SRP19: variants seen among roughly 807,000 people sequenced by gnomAD.
SRP19 encodes the protein signal recognition particle 19 kDa protein.
A neutral mutation model predicts 22.4 loss-of-function variants in SRP19; 11 were observed. The observed-to-expected ratio is 0.49, with a 90% CI of 0.31 to 0.81. The LOEUF (loss-of-function observed/expected upper bound fraction) is 0.81, where lower values mean the gene tolerates loss of function less well. Among genes scored for constraint, SRP19 ranks in the 40% least tolerant of loss-of-function variants. The pLI is 0.05. For synonymous variants in SRP19, 61 were observed against 57.6 expected (o/e 1.06, Z -0.27); for missense variants, 168 against 175.9 (o/e 0.96, Z 0.25).
At position 112,867,636 on chromosome 5, in the gene SRP19, T is replaced by C. The variant is rs1025003323; in HGVS notation, c.*99T>C. On this transcript the variant is annotated 3_prime_UTR_variant, in exon 5 of 5. Transcript: ENST00000505459. ...AAACAGAAGCTTTTTGTTTGCATCA[T>C]TTAACTGAACTGTGAACCCTTGTGC... The C allele has an allele frequency of 4.4e-5, 62 of 1,404,222 alleles. No homozygotes were observed. Among genetic ancestry groups the C allele is most frequent in the Non-Finnish European group, 5.7e-5 (61 of 1,074,948 alleles). 87.0% of individuals were successfully genotyped at this position (1,404,222 alleles called of 1,614,324 possible). A position where few individuals can be genotyped will look rare whatever the true frequency, so the allele number is the denominator to read the frequency against.
intron 4 of SRP19, chr5:112,887,121 C>G: frequency 6.2e-7 from 1 of 1,613,528 alleles, no homozygotes; most frequent in Non-Finnish European, 8.5e-7. Flanking sequence ...GGATGATGCG[C>G]TTGTAGAGCA....
At position 112,864,548 on chromosome 5, in the gene SRP19, T is replaced by A. The variant is rs1561638321; in HGVS notation, c.189+20T>A. On this transcript the variant is annotated intron_variant, in intron 3 of 4. Coordinates refer to ENST00000505459, the MANE Select transcript of SRP19 (RefSeq NM_003135.3). ...CTTGAGGTATGACGTGGTTCTTCAC[T>A]ATTTTCCATACTCATCTAATTGATG... 6.2e-7 allele frequency: 1 copy of A among 1,613,048 alleles called. No homozygotes were observed. The highest frequency in any genetic ancestry group is 2.2e-5 in the East Asian group (1 of 44,868).
chr5:112,892,159 C>A, exon 5 of SRP19: 5 of 1,614,096 alleles, frequency 3.1e-6, no homozygotes, highest in Non-Finnish European at 3.4e-6. Flanking sequence ...GGAGAAGGAT[C>A]GAGCTAATTG....
chr5:112,890,140 T>A (rs940671670), intron 4 of SRP19, among the ~76,000 whole-genome samples: 5 of 149,948 alleles, frequency 3.3e-5, no homozygotes, highest in African/African-American at 1.2e-4. Flanking sequence ...AAAAATAAAT[T>A]TAAAATTAGC....
intron 4 of SRP19, chr5:112,885,649 C>T: frequency 3.4e-6 from 1 of 297,436 alleles, no homozygotes; most frequent in South Asian, 4.4e-5. Context: ...CCTGGAGCAG[C>T]TCCCAGAGGT....
At chr5:112,874,810 C>T (rs150902165) in intron 4 of SRP19, among the ~76,000 whole-genome samples, 33 of 148,916 alleles carry the variant, frequency 2.2e-4, no homozygotes, top group Middle Eastern at 3.4e-3. Context: ...GAGTTTCGCT[C>T]GTCTCCCAGG....
Position 112,868,108 on chromosome 5 carries a change from G to C in SRP19, c.*571G>C. On this transcript the variant is annotated 3_prime_UTR_variant, in exon 5 of 5. Coordinates refer to ENST00000505459, the MANE Select transcript of SRP19 (RefSeq NM_003135.3). Reference sequence around the variant, plus strand: ...TATATTATTGTAATCGAATCGTTCAGTTGTTTTTTGACATGGAAAGTCCTG... The same window carrying C: ...TATATTATTGTAATCGAATCGTTCACTTGTTTTTTGACATGGAAAGTCCTG... 1.0e-6 allele frequency: 1 copy of C among 985,392 alleles called. No homozygotes were observed. The highest frequency in any genetic ancestry group is 1.2e-6 in the Non-Finnish European group (1 of 829,918). The allele number at this position is 985,392 out of a possible 1,614,324, so 61.0% of individuals were successfully genotyped here.
chr5:112,878,668 T>TTA, intron 4 of SRP19: 2 of 1,403,018 alleles, frequency 1.4e-6, no homozygotes, highest in Admixed American at 2.3e-5. Context: ...CAATCTTTAA[T>TTA]ATCTCAAAAA....
chr5:112,891,511 CAAACA>C, intron 4 of SRP19: 2 of 1,303,924 alleles, frequency 1.5e-6, no homozygotes, highest in African/African-American at 1.5e-5. Flanking sequence ...TATAAGTATG[CAAACA>C]AAACAATACT....
At chr5:112,896,527 CA>C (rs1313196535), downstream of SRP19, 3 of 151,266 alleles carry the variant, frequency 2.0e-5, no homozygotes, top group Non-Finnish European at 4.4e-5. Flanking sequence ...AACTCCATCT[CA>C]AAAAAAAGAA....
chr5:112,885,666 A>C (rs1031912379), intron 4 of SRP19: 1 of 308,350 alleles, frequency 3.2e-6, no homozygotes, highest in Non-Finnish European at 6.6e-6. Flanking sequence ...AGGTCTACTC[A>C]GAAGGACCCA....
At chr5:112,862,697 G>C in intron 2 of SRP19, 114 bp downstream of exon 2, 1 of 895,600 alleles carries the variant, frequency 1.1e-6, no homozygotes, top group Non-Finnish European at 1.7e-6. Flanking sequence ...TTTATTTAGG[G>C]CTTGAGAACA....
chr5:112,894,427 T>G (rs539755542), downstream of SRP19: 4 of 152,318 alleles, frequency 2.6e-5, no homozygotes, highest in Admixed American at 2.6e-4. Flanking sequence ...CCTTTTGGTT[T>G]TTAATATCCA....
intron 4 of SRP19, among the ~76,000 whole-genome samples, chr5:112,875,928 T>C (rs192887340): frequency 0.015 from 2,270 of 151,374 alleles, 32 homozygotes; most frequent in Non-Finnish European, 0.024. Flanking sequence ...GTGCGTGTAG[T>C]CCCAGCTACT....
In SRP19 at chr5:112,861,320, C is replaced by T; in HGVS notation, c.-57C>T. On this transcript the variant is annotated 5_prime_UTR_variant, in exon 1 of 5. Transcript: ENST00000505459. Reference sequence around the variant, plus strand: ...TCGGAAACTCAGAGCCGGGTTCCTCCCGGGTTTCTGCCGGGTTTCTCCCTG... The same window carrying T: ...TCGGAAACTCAGAGCCGGGTTCCTCTCGGGTTTCTGCCGGGTTTCTCCCTG... 3 of 1,608,128 alleles carry T rather than the reference C, an allele frequency of 1.9e-6. No homozygotes were observed. Among genetic ancestry groups the T allele is most frequent in the Middle Eastern group, 1.7e-4 (1 of 5,982 alleles).
intron 4 of SRP19, chr5:112,891,476 CAA>C (rs1186989609): frequency 1.1e-6 from 1 of 944,854 alleles, no homozygotes; most frequent in Non-Finnish European, 1.5e-6. Flanking sequence ...AAAGGAGAAA[CAA>C]AATGAAAGTA....
chr5:112,882,479 C>T (rs1359261400), intron 4 of SRP19, among the ~76,000 whole-genome samples: 3 of 152,234 alleles, frequency 2.0e-5, no homozygotes, highest in African/African-American at 7.2e-5. Flanking sequence ...AACCTTGACA[C>T]AACTCTCCAC....
intron 4 of SRP19, among the ~76,000 whole-genome samples, chr5:112,874,937 G>A (rs978404001): frequency 1.3e-5 from 2 of 151,902 alleles, no homozygotes; most frequent in East Asian, 1.9e-4. Flanking sequence ...CACCACACCC[G>A]GCTAATTTTT....
rs1164180427 is a variant in SRP19 at position 112,869,541 on chromosome 5, C to T, written c.*2004C>T. The T allele has an allele frequency of 6.6e-6, 1 of 152,246 alleles. No homozygotes were observed. The highest frequency in any genetic ancestry group is 1.9e-4 in the East Asian group (1 of 5,194). The allele number at this position is 152,246 out of a possible 1,614,324, so 9.4% of individuals were successfully genotyped here. A position where few individuals can be genotyped will look rare whatever the true frequency, so the allele number is the denominator to read the frequency against. ...CCCTGAAACAGCAGATAGTACTGAA[C>T]CCTATATATACTATGTTTTTGCCTA... On this transcript the variant is annotated 3_prime_UTR_variant, in exon 5 of 5. Coordinates refer to ENST00000505459, the MANE Select transcript of SRP19 (RefSeq NM_003135.3).
Sources: gnomAD v4.1 joint callset for allele counts (sites outside exome capture counted in the v4.1 genomes callset) on GRCh38, gnomAD v4.1.1 for gene constraint, MANE v1.5 for transcripts, NCBI Gene and HGNC (gene_info 2026-07-23, HGNC 2026-07-21) for gene names.